CDH12: variants seen among roughly 807,000 people sequenced by gnomAD.
CDH12 encodes the protein cadherin 12, also known as cadherin-12.
CDH12 carries 41 observed loss-of-function variants against 74.1 expected under a neutral mutation model. The ratio of observed to expected loss-of-function variants is 0.55; its 90% confidence interval spans 0.43 to 0.72. CDH12 has a LOEUF of 0.72. Ranked by LOEUF, CDH12 falls within the 30% of genes least tolerant of loss-of-function variation. The probability of loss-of-function intolerance (pLI) is 0.00; values close to 1 mark genes in which losing one functional copy is unlikely to be tolerated. For missense variants in CDH12, 945 were observed against 977.2 expected, an observed-to-expected ratio of 0.97 and a Z score of 0.44; for synonymous variants, 399 against 355.0, an observed-to-expected ratio of 1.12 and a Z score of -1.39.
At chr5:22,391,726 G>A (rs1742256797) in intron 3 of CDH12, among the ~76,000 whole-genome samples, 1 of 151,820 alleles carries the variant, frequency 6.6e-6, no homozygotes, top group African/African-American at 2.4e-5. Flanking sequence ...GTCTGAATAA[G>A]CACTCATTTA....
chr5:22,506,876 C>A (rs1469923612), intron 1 of CDH12, among the ~76,000 whole-genome samples: 1 of 152,082 alleles, frequency 6.6e-6, no homozygotes, highest in Non-Finnish European at 1.5e-5. Context: ...CAGGCTGATA[C>A]CTTCAACTTC....
At chr5:22,033,956 T>C (rs1398731050) in intron 5 of CDH12, among the ~76,000 whole-genome samples, 2 of 152,182 alleles carry the variant, frequency 1.3e-5, no homozygotes, top group Admixed American at 1.3e-4. Flanking sequence ...ATGAATGTAA[T>C]GAGTGTGAAT....
chr5:22,717,256 T>A (rs1170470288), intron 1 of CDH12, among the ~76,000 whole-genome samples: 3 of 152,144 alleles, frequency 2.0e-5, no homozygotes, highest in African/African-American at 7.2e-5. Context: ...TTTTTTTTAA[T>A]CTTTTACCTC....
rs1045653378 is a variant in CDH12, at chr5:21,996,101, A to T, written c.232-20716T>A. Among the ~76,000 whole-genome samples, 7 of 139,922 alleles carry T rather than the reference A, an allele frequency of 5.0e-5. 1 individual carries two copies. Among genetic ancestry groups the T allele is most frequent in the African/African-American group, 1.9e-4 (7 of 37,518 alleles). 91.8% of individuals were successfully genotyped at this position (139,922 alleles called of 152,430 possible). On this transcript the variant is annotated intron_variant, in intron 5 of 14. Transcript: ENST00000382254. Reference sequence around the variant, plus strand: ...GGCTCAGGTACTTATAAGTTCACACACACGTTTTTTTTTTTTTTTTTTTTT... The same window carrying T: ...GGCTCAGGTACTTATAAGTTCACACTCACGTTTTTTTTTTTTTTTTTTTTT...
At chr5:22,286,687 T>G (rs1229141006) in intron 3 of CDH12, among the ~76,000 whole-genome samples, 1 of 152,068 alleles carries the variant, frequency 6.6e-6, no homozygotes, top group Non-Finnish European at 1.5e-5. Flanking sequence ...CCTTTTTTTT[T>G]TTTTTAACTT....
At chr5:22,839,862 G>T (rs1202983192) in intron 1 of CDH12, among the ~76,000 whole-genome samples, 2 of 152,220 alleles carry the variant, frequency 1.3e-5, no homozygotes, top group Non-Finnish European at 2.9e-5. Flanking sequence ...GATGCAAAAA[G>T]AATGGCAGGC....
intron 4 of CDH12, among the ~76,000 whole-genome samples, chr5:22,132,072 T>C (rs1170601929): frequency 1.3e-5 from 2 of 152,096 alleles, no homozygotes; most frequent in Admixed American, 6.6e-5. Flanking sequence ...TTTATACTAC[T>C]ATTTCAATCT....
intron 5 of CDH12, among the ~76,000 whole-genome samples, chr5:22,020,660 A>G (rs1249569362): frequency 1.3e-5 from 2 of 151,854 alleles, no homozygotes; most frequent in Admixed American, 6.6e-5. Context: ...TTCTCCCTTC[A>G]TTCTCACTTT....
chr5:22,652,587 A>C (rs572566890), intron 1 of CDH12, among the ~76,000 whole-genome samples: 2 of 152,192 alleles, frequency 1.3e-5, no homozygotes, highest in Non-Finnish European at 2.9e-5. Flanking sequence ...AATGCATTGA[A>C]GAATGCAGTT....
intron 5 of CDH12, among the ~76,000 whole-genome samples, chr5:21,989,330 A>G (rs1426342757): frequency 6.6e-6 from 1 of 152,194 alleles, no homozygotes; most frequent in Non-Finnish European, 1.5e-5. Flanking sequence ...CAGTTTATCT[A>G]TTTATTGTGA....
At chr5:21,895,235 A>G (rs1241369403) in intron 6 of CDH12, among the ~76,000 whole-genome samples, 1 of 152,006 alleles carries the variant, frequency 6.6e-6, no homozygotes, top group East Asian at 1.9e-4. Flanking sequence ...TCCCCCTCAC[A>G]CTCCTTCAGC....
intron 8 of CDH12, among the ~76,000 whole-genome samples, chr5:21,839,748 G>GT (rs1398640386): frequency 7.2e-5 from 11 of 152,016 alleles, no homozygotes; most frequent in African/African-American, 1.4e-4. Context: ...AAAAAACTGT[G>GT]TTTTTTTGAC....
chr5:21,797,818 A>C (rs1746874827), intron 10 of CDH12, among the ~76,000 whole-genome samples: 1 of 152,106 alleles, frequency 6.6e-6, no homozygotes, highest in Non-Finnish European at 1.5e-5. Flanking sequence ...TTACTTAGGA[A>C]ATTTTTGATT....
At chr5:22,828,991 A>T (rs1287746807) in intron 1 of CDH12, among the ~76,000 whole-genome samples, 1 of 152,206 alleles carries the variant, frequency 6.6e-6, no homozygotes, top group Non-Finnish European at 1.5e-5. Flanking sequence ...AAAAAGTTAG[A>T]CAAAGATAAT....
chr5:22,722,913 C>G (rs1743972513), intron 1 of CDH12, among the ~76,000 whole-genome samples: 1 of 152,140 alleles, frequency 6.6e-6, no homozygotes. Context: ...TGTTCCTATT[C>G]CTGTTGCATC....
chr5:21,924,215 G>A (rs1181160876), intron 6 of CDH12, among the ~76,000 whole-genome samples: 3 of 152,122 alleles, frequency 2.0e-5, no homozygotes, highest in Non-Finnish European at 4.4e-5. Context: ...ATGAATAAAG[G>A]TGAAGATGAT....
At chr5:21,801,647 T>C (rs2149922136) in intron 10 of CDH12, among the ~76,000 whole-genome samples, 1 of 152,340 alleles carries the variant, frequency 6.6e-6, no homozygotes, top group Middle Eastern at 3.4e-3. Context: ...TAGGACTGAC[T>C]CTAACTGTGT....
chr5:21,944,060 T>G (rs1329876428), intron 6 of CDH12, among the ~76,000 whole-genome samples: 5 of 152,166 alleles, frequency 3.3e-5, no homozygotes, highest in Non-Finnish European at 7.4e-5. Context: ...ATTCACAATC[T>G]CAGAATCAGA....
chr5:22,824,483 T>C (rs1749903668), intron 1 of CDH12, among the ~76,000 whole-genome samples: 1 of 152,084 alleles, frequency 6.6e-6, no homozygotes, highest in Non-Finnish European at 1.5e-5. Context: ...TATAAATAAA[T>C]AAAAATCCAA....
Sources: gnomAD v4.1 joint callset for allele counts (sites outside exome capture counted in the v4.1 genomes callset) on GRCh38, gnomAD v4.1.1 for gene constraint, MANE v1.5 for transcripts, NCBI Gene and HGNC (gene_info 2026-07-23, HGNC 2026-07-21) for gene names.